Variants in SEMA3D observed in about 807,000 individuals in gnomAD.
The protein encoded by SEMA3D is semaphorin 3D, also known as semaphorin-3D.
SEMA3D carries 84 observed loss-of-function variants against 100.1 expected under a neutral mutation model. The ratio of observed to expected loss-of-function variants is 0.84; its 90% CI spans 0.70 to 1.01. SEMA3D has a LOEUF of 1.01. SEMA3D is among the 50% of genes least tolerant of loss of function. The pLI is 0.00. For synonymous variants in SEMA3D, 312 were observed against 320.7 expected (o/e 0.97, Z 0.29); for missense variants, 875 against 934.1 (o/e 0.94, Z 0.82).
At chr7:85,132,368 T>A (rs1166434942) in intron 2 of SEMA3D, among the ~76,000 whole-genome samples, 1 of 151,878 alleles carries the variant, frequency 6.6e-6, no homozygotes, top group African/African-American at 2.4e-5. Context: ...TTTTGGTAGG[T>A]TAAACATAAA....
At chr7:85,031,195 T>A (rs1250743473) in intron 12 of SEMA3D, among the ~76,000 whole-genome samples, 2 of 152,012 alleles carry the variant, frequency 1.3e-5, no homozygotes, top group African/African-American at 4.8e-5. Flanking sequence ...CACTGAAAGT[T>A]GTAGTGTTTA....
chr7:85,053,722 G>T (rs1257073044), intron 9 of SEMA3D, among the ~76,000 whole-genome samples: 1 of 151,960 alleles, frequency 6.6e-6, no homozygotes, highest in African/African-American at 2.4e-5. Flanking sequence ...TTGACCAATG[G>T]ATCATATGTA....
At chr7:85,077,078 C>G (rs1475186450) in intron 5 of SEMA3D, among the ~76,000 whole-genome samples, 1 of 148,586 alleles carries the variant, frequency 6.7e-6, no homozygotes, top group Non-Finnish European at 1.5e-5. Context: ...TGCACTCCAG[C>G]CTGGGCAACA....
At chr7:85,143,730 T>TA (rs1267758728) in intron 2 of SEMA3D, among the ~76,000 whole-genome samples, 4 of 151,664 alleles carry the variant, frequency 2.6e-5, no homozygotes, top group African/African-American at 4.9e-5. Context: ...CATGTAATTT[T>TA]TTTTTTTTTG....
intron 1 of SEMA3D, among the ~76,000 whole-genome samples, chr7:85,185,775 A>T (rs545388688): frequency 2.0e-5 from 3 of 152,294 alleles, no homozygotes; most frequent in Non-Finnish European, 4.4e-5. Flanking sequence ...ACAGTGCCGA[A>T]AACGGCCCGT....
At chr7:85,197,298 T>C in the SEMA3D span, among the ~76,000 whole-genome samples, 9 of 152,280 alleles carry the variant, frequency 5.9e-5, no homozygotes, top group East Asian at 1.7e-3. Flanking sequence ...TTGGCATCTA[T>C]TGCCTCTAAG....
the SEMA3D span, among the ~76,000 whole-genome samples, chr7:85,223,181 G>A: frequency 1.3e-5 from 2 of 152,024 alleles, no homozygotes; most frequent in South Asian, 4.2e-4. Context: ...GCTGAAAAGG[G>A]AACCCTTTTA....
chr7:85,003,680 T>C (rs76715239), intron 18 of SEMA3D, among the ~76,000 whole-genome samples: 4,318 of 152,056 alleles, frequency 0.028, 74 homozygotes, highest in Non-Finnish European at 0.046. Flanking sequence ...TAAATAAACA[T>C]GCCAATATAA....
intron 3 of SEMA3D, among the ~76,000 whole-genome samples, chr7:85,120,965 G>C (rs1789394048): frequency 6.6e-6 from 1 of 151,810 alleles, no homozygotes; most frequent in Admixed American, 6.6e-5. Flanking sequence ...TTTTATTATT[G>C]GTATTTCGTT....
chr7:85,145,223 T>G (rs1335503506), intron 2 of SEMA3D, among the ~76,000 whole-genome samples: 1 of 151,782 alleles, frequency 6.6e-6, no homozygotes, highest in Non-Finnish European at 1.5e-5. Flanking sequence ...TGTGTTAAAT[T>G]TATTATGTAA....
chr7:85,079,594 A>G lies in SEMA3D; in HGVS notation c.375+1923T>C, dbSNP rs73703767. ...TAATAAGAGGGGCAATTAAGTTACTATGTAACTGGAATTAGTGAACATACC... is the reference window on the plus strand; with the variant it reads ...TAATAAGAGGGGCAATTAAGTTACTGTGTAACTGGAATTAGTGAACATACC... On this transcript the variant is annotated intron_variant, in intron 5 of 18. Coordinates refer to ENST00000284136, the MANE Select transcript of SEMA3D (RefSeq NM_001384900.1). Among the ~76,000 whole-genome samples the G allele has an allele frequency of 1.8e-3, 276 of 152,256 alleles. 1 individual carries two copies. Among genetic ancestry groups the G allele is most frequent in the African/African-American group, 6.3e-3 (261 of 41,514 alleles).
chr7:85,164,786 T>C (rs114095193), intron 1 of SEMA3D, among the ~76,000 whole-genome samples: 321 of 152,246 alleles, frequency 2.1e-3, no homozygotes, highest in African/African-American at 7.1e-3. Context: ...ATATTGATTT[T>C]AGAACTTAGA....
chr7:85,066,599 C>T (rs547028478), intron 7 of SEMA3D, among the ~76,000 whole-genome samples: 2 of 152,110 alleles, frequency 1.3e-5, no homozygotes, highest in East Asian at 3.9e-4. Context: ...TTTCAAGAAA[C>T]TTCTTAGTCA....
the SEMA3D span, among the ~76,000 whole-genome samples, chr7:85,218,205 C>G: frequency 1.3e-5 from 2 of 152,032 alleles, no homozygotes; most frequent in East Asian, 1.9e-4. Flanking sequence ...ATAAAAAAGG[C>G]AGGAAACTAT....
At position 84,995,614 on chromosome 7, in the gene SEMA3D, T is replaced by TAAC. The variant is rs1789477985; in HGVS notation, c.*3823_*3825dup. On this transcript the variant is annotated 3_prime_UTR_variant, in exon 19 of 19. Transcript: ENST00000284136. ...TTATAATACAACCAAAATATACATT[T>TAAC]AACAATTTTTAATTATTTCATACTA... The TAAC allele has an allele frequency of 6.6e-6, 1 of 152,100 alleles. No homozygotes were observed. Among genetic ancestry groups the TAAC allele is most frequent in the Non-Finnish European group, 1.5e-5 (1 of 67,930 alleles). 9.4% of individuals were successfully genotyped at this position (152,100 alleles called of 1,614,324 possible).
In SEMA3D at chr7:85,182,270, T is replaced by C. The variant is rs774430727; in HGVS notation, c.-173+4408A>G. ...ATCATTACACTATTCCTGTATGTTATGCATTATCATAAAACTCCCAGTCTC... is the reference window on the plus strand; with the variant it reads ...ATCATTACACTATTCCTGTATGTTACGCATTATCATAAAACTCCCAGTCTC... On this transcript the variant is annotated intron_variant, in intron 1 of 18. Coordinates refer to ENST00000284136, the MANE Select transcript of SEMA3D (RefSeq NM_001384900.1). Among the ~76,000 whole-genome samples, 6 of 152,276 alleles carry C rather than the reference T, an allele frequency of 3.9e-5. No individual in the cohort carries two copies. The East Asian group carries it at 5.8e-4, about 15-fold the overall frequency.
the SEMA3D span, among the ~76,000 whole-genome samples, chr7:85,216,171 C>A: frequency 1.3e-5 from 2 of 152,056 alleles, no homozygotes; most frequent in African/African-American, 2.4e-5. Flanking sequence ...TGCCTGAAAG[C>A]TCACTTTATC....
At chr7:85,016,230 A>G (rs1287720701) in intron 15 of SEMA3D, among the ~76,000 whole-genome samples, 1 of 137,670 alleles carries the variant, frequency 7.3e-6, no homozygotes, top group East Asian at 2.1e-4. Flanking sequence ...GGATTAAGAC[A>G]TTTGTCTCCT....
the SEMA3D span, among the ~76,000 whole-genome samples, chr7:85,231,551 C>G: frequency 1.3e-5 from 2 of 150,738 alleles, no homozygotes; most frequent in Admixed American, 6.6e-5. Context: ...CCCGGGTTCA[C>G]GCCATTCTCC....
Sources: gnomAD v4.1 joint callset for allele counts (sites outside exome capture counted in the v4.1 genomes callset) on GRCh38, gnomAD v4.1.1 for gene constraint, MANE v1.5 for transcripts, NCBI Gene and HGNC (gene_info 2026-07-23, HGNC 2026-07-21) for gene names.